Variants in DOCK1 observed in about 807,000 individuals in gnomAD.
DOCK1 encodes dedicator of cytokinesis protein 1.
A neutral mutation model predicts 262.7 loss-of-function variants in DOCK1; 138 were observed. The observed-to-expected ratio is 0.53, with a 90% CI of 0.46 to 0.61. The LOEUF (loss-of-function observed/expected upper bound fraction) is 0.61, where lower values mean the gene tolerates loss of function less well. Ranked by LOEUF, DOCK1 falls within the 20% of genes least tolerant of loss-of-function variation. DOCK1 has a pLI of 0.00. For synonymous variants in DOCK1, 866 were observed against 867.4 expected (o/e 1.00, Z 0.03); for missense variants, 1,908 against 2,370.7 (o/e 0.80, Z 4.05).
intron 28 of DOCK1, among the ~76,000 whole-genome samples, chr10:127,254,304 T>C (rs528680418): frequency 2.6e-5 from 4 of 152,362 alleles, no homozygotes; most frequent in East Asian, 1.9e-4. Flanking sequence ...TTAGCTTTTG[T>C]AGACTATCTC....
intron 23 of DOCK1, among the ~76,000 whole-genome samples, chr10:127,093,673 A>T (rs2047725292): frequency 6.6e-6 from 1 of 151,600 alleles, no homozygotes; most frequent in African/African-American, 2.4e-5. Context: ...TTTTCTTATA[A>T]AGATAGTCAT....
At chr10:126,931,047 T>TTAAAA (rs2034149140) in intron 1 of DOCK1, among the ~76,000 whole-genome samples, 1 of 151,702 alleles carries the variant, frequency 6.6e-6, no homozygotes, top group South Asian at 2.1e-4. Flanking sequence ...AGGAAGCCAG[T>TTAAAA]TTATTTTGGA....
intron 27 of DOCK1, among the ~76,000 whole-genome samples, chr10:127,170,316 G>C (rs1431250649): frequency 1.3e-5 from 2 of 152,138 alleles, no homozygotes; most frequent in African/African-American, 4.8e-5. Flanking sequence ...ATGTTTAAGG[G>C]CCTGGGGTCC....
At chr10:126,949,999 C>T (rs1175278032) in intron 1 of DOCK1, among the ~76,000 whole-genome samples, 3 of 151,938 alleles carry the variant, frequency 2.0e-5, no homozygotes, top group African/African-American at 7.3e-5. Context: ...AAGCAGGTTT[C>T]TCCCACCTTC....
chr10:127,157,106 G>A (rs898404215), intron 27 of DOCK1, among the ~76,000 whole-genome samples: 4 of 152,178 alleles, frequency 2.6e-5, no homozygotes, highest in Non-Finnish European at 4.4e-5. Context: ...ATGAGCGAAC[G>A]GTTAATTTTT....
At chr10:127,195,530 C>CT (rs936117967) in intron 27 of DOCK1, among the ~76,000 whole-genome samples, 7 of 152,158 alleles carry the variant, frequency 4.6e-5, no homozygotes, top group Non-Finnish European at 5.9e-5. Flanking sequence ...TCATCCCCCC[C>CT]CCGAAGTTAA....
At chr10:127,286,420 G>T (rs746958427) in intron 29 of DOCK1, among the ~76,000 whole-genome samples, 1 of 152,058 alleles carries the variant, frequency 6.6e-6, no homozygotes, top group African/African-American at 2.4e-5. Flanking sequence ...TATAATCTCA[G>T]TGCTTTTTCG....
chr10:126,913,856 C>G (rs185119714), intron 1 of DOCK1, among the ~76,000 whole-genome samples: 2 of 152,310 alleles, frequency 1.3e-5, no homozygotes, highest in Admixed American at 1.3e-4. Context: ...CTTTGAATAT[C>G]AGCCTGGTGT....
intron 23 of DOCK1, among the ~76,000 whole-genome samples, chr10:127,066,973 C>T (rs1436125606): frequency 1.3e-5 from 2 of 152,236 alleles, no homozygotes. Context: ...CTGGCTATCC[C>T]GTGGTGTTTG....
chr10:127,419,691 A>G lies in DOCK1; in HGVS notation c.4718A>G (p.Gln1573Arg). The G allele has an allele frequency of 6.2e-7, 1 of 1,606,210 alleles. No homozygotes were observed. The highest frequency in any genetic ancestry group is 8.5e-7 in the Non-Finnish European group (1 of 1,176,196). Residue 1573 changes from glutamine (Q) to arginine (R), a missense_variant, in exon 46 of 52, where the codon CAG (glutamine) becomes CGG (arginine). Physicochemically the swap from Gln to Arg is conservative, Grantham distance 43. This residue lies in a region of DOCK1 where 383 missense variants were observed against 420.1 expected (regional missense o/e 0.91). Coordinates refer to ENST00000623213, the MANE Select transcript of DOCK1 (RefSeq NM_001290223.2). ...GCCTTCTTTACAGACCGGTACCTGC[A>G]GGAGCACCCTGAGGCCCATGAAAAG... ...EKAFFTDRYLQEHPEAHEKIE... is the reference protein window; with the variant it reads ...EKAFFTDRYLREHPEAHEKIE...
chr10:127,176,209 G>A lies in DOCK1; in HGVS notation c.2847+48445G>A. ...TCCCCCAGCTGGCCCGAGGACAGCT[G>A]TGTGTCCCTCTGCTCATTCTGTGCC... is the stretch of plus-strand genomic sequence containing the variant. On this transcript the variant is annotated intron_variant, in intron 27 of 51. Transcript: ENST00000623213. The surrounding 1 kb of genome is among the most constrained non-coding windows in gnomAD (Gnocchi z 4.4). 2 of 1,614,160 alleles carry A rather than the reference G, an allele frequency of 1.2e-6. No homozygotes were observed. Among genetic ancestry groups the A allele is most frequent in the Non-Finnish European group, 1.7e-6 (2 of 1,180,032 alleles).
intron 1 of DOCK1, among the ~76,000 whole-genome samples, chr10:126,905,764 C>T (rs923306607): frequency 2.0e-5 from 3 of 150,502 alleles, no homozygotes; most frequent in African/African-American, 2.4e-5. Context: ...AGCTCCAGCC[C>T]CGGGGATGCG....
At chr10:127,215,117 C>T (rs186861151) in intron 27 of DOCK1, among the ~76,000 whole-genome samples, 1 of 152,264 alleles carries the variant, frequency 6.6e-6, no homozygotes, top group African/African-American at 2.4e-5. Flanking sequence ...TCCTGCCTCC[C>T]TTCCTGCCTC....
chr10:127,451,542 T>C lies in DOCK1; in HGVS notation c.*115T>C, dbSNP rs943215872. On this transcript the variant is annotated 3_prime_UTR_variant, in exon 52 of 52. Coordinates refer to ENST00000623213, the MANE Select transcript of DOCK1 (RefSeq NM_001290223.2). Reference sequence around the variant, plus strand: ...TTGGGCCTGTGATGTTAACATTTCGTGCGACTGCTTTTTCTTCAAAGGAGT... The same window carrying C: ...TTGGGCCTGTGATGTTAACATTTCGCGCGACTGCTTTTTCTTCAAAGGAGT... The C allele has an allele frequency of 2.6e-6, 4 of 1,521,098 alleles. No homozygotes were observed. The highest frequency in any genetic ancestry group is 3.5e-6 in the Non-Finnish European group (4 of 1,135,290). 94.2% of individuals were successfully genotyped at this position (1,521,098 alleles called of 1,614,324 possible). A position where few individuals can be genotyped will look rare whatever the true frequency, so the allele number is the denominator to read the frequency against.
chr10:126,905,787 G>A (rs1303826432), intron 1 of DOCK1, among the ~76,000 whole-genome samples: 20 of 146,676 alleles, frequency 1.4e-4, no homozygotes, highest in Non-Finnish European at 2.4e-4. Flanking sequence ...TCGGGAACAC[G>A]AGGGGGTGGG....
chr10:127,373,457 T>G (rs1301258608), intron 33 of DOCK1, among the ~76,000 whole-genome samples: 1 of 150,544 alleles, frequency 6.6e-6, no homozygotes, highest in East Asian at 2.0e-4. Context: ...AGATGAAGTT[T>G]GAGACTTTTT....
intron 27 of DOCK1, among the ~76,000 whole-genome samples, chr10:127,185,916 G>A (rs1215516903): frequency 6.6e-6 from 1 of 152,170 alleles, no homozygotes; most frequent in Non-Finnish European, 1.5e-5. Context: ...TGTAGAAAAT[G>A]TGACTTGCTA....
chr10:127,076,311 C>G (rs187432382), intron 23 of DOCK1, among the ~76,000 whole-genome samples: 15 of 152,288 alleles, frequency 9.8e-5, no homozygotes, highest in East Asian at 7.7e-4. Context: ...ACCATCCTGG[C>G]TAACACGGTG....
intron 12 of DOCK1, among the ~76,000 whole-genome samples, chr10:127,013,299 G>A (rs554988083): frequency 6.6e-6 from 1 of 152,188 alleles, no homozygotes; most frequent in East Asian, 1.9e-4. Flanking sequence ...GCGATTTTCA[G>A]CTGACCCAGG....
Sources: allele counts gnomAD v4.1 joint callset (sites outside exome capture counted in the v4.1 genomes callset), GRCh38; gene constraint gnomAD v4.1.1; regional missense constraint gnomAD v4.1.1; non-coding constraint Gnocchi (gnomAD v3.1); transcripts MANE v1.5; gene names NCBI Gene and HGNC (gene_info 2026-07-23, HGNC 2026-07-21).